Variants in LPCAT1 observed in about 807,000 individuals in gnomAD.
The protein encoded by LPCAT1 is 1-acylglycerol-3-phosphate O-acyltransferase.
Under a neutral mutation model 60.9 loss-of-function variants are expected in LPCAT1, and 23 were observed. The ratio of observed to expected loss-of-function variants is 0.38; its 90% CI spans 0.27 to 0.53. The LOEUF (loss-of-function observed/expected upper bound fraction) is 0.53. Among genes scored for constraint, LPCAT1 ranks in the 20% least tolerant of loss-of-function variants. The pLI is 0.82. For missense variants in LPCAT1, 622 were observed against 723.6 expected, an observed-to-expected ratio of 0.86 and a Z score of 1.61; for synonymous variants, 340 against 301.1, an observed-to-expected ratio of 1.13 and a Z score of -1.34.
At chr5:1,514,074 C>T (rs1736433257) in intron 1 of LPCAT1, among the ~76,000 whole-genome samples, 1 of 152,250 alleles carries the variant, frequency 6.6e-6, no homozygotes, top group Non-Finnish European at 1.5e-5. Context: ...CGTGGAGAAG[C>T]TCCAATGAGA....
chr5:1,493,955 G>A (rs7715526), intron 3 of LPCAT1, among the ~76,000 whole-genome samples: 35,214 of 152,230 alleles, frequency 0.23, 4,357 homozygotes, highest in East Asian at 0.43. Flanking sequence ...CAGGCCAGTC[G>A]ACCACTGAGG....
chr5:1,463,609 T>C lies in LPCAT1; in HGVS notation c.*42A>G, dbSNP rs1305596778. 1.2e-6 allele frequency: 2 copies of C among 1,602,328 alleles called. No homozygotes were observed. Among genetic ancestry groups the C allele is most frequent in the South Asian group, 1.1e-5 (1 of 90,222 alleles). ...CTCGCAAAGAGGCTCATGGCGGTGATGTCCACGCGGGAGGGGCCGCGTCTC... is the reference window on the plus strand; with the variant it reads ...CTCGCAAAGAGGCTCATGGCGGTGACGTCCACGCGGGAGGGGCCGCGTCTC... On this transcript the variant is annotated 3_prime_UTR_variant, in exon 14 of 14. Transcript: ENST00000283415.
Position 1,463,399 on chromosome 5 carries a change from T to C in LPCAT1, c.*252A>G. ...GGTGCCCCCCGCCCGGCAGGGAACC[T>C]GACCCCACGGGGTCCAGGCCAGGCG... On this transcript the variant is annotated 3_prime_UTR_variant, in exon 14 of 14. Transcript: ENST00000283415. The C allele has an allele frequency of 2.0e-6, 1 of 495,922 alleles. No individual in the cohort carries two copies. Among genetic ancestry groups the C allele is most frequent in the Non-Finnish European group, 3.5e-6 (1 of 281,882 alleles). 30.7% of individuals were successfully genotyped at this position (495,922 alleles called of 1,614,324 possible). A position where few individuals can be genotyped will look rare whatever the true frequency, so the allele number is the denominator to read the frequency against.
chr5:1,502,368 CAG>C lies in LPCAT1; in HGVS notation c.136-767_136-766del, dbSNP rs962987560. 2.0e-5 allele frequency among the ~76,000 whole-genome samples: 3 copies of C among 152,306 alleles called. No individual in the cohort carries two copies. The highest frequency in any genetic ancestry group is 3.9e-4 in the East Asian group (2 of 5,184). ...ACGCCACCCTAGGCAGTGTTGGTGA[CAG>C]GGGGAGGTAGCTGGCCTGCAGTTTG... is the stretch of plus-strand genomic sequence containing the variant. On this transcript the variant is annotated intron_variant, in intron 1 of 13. Coordinates refer to ENST00000283415, the MANE Select transcript of LPCAT1 (RefSeq NM_024830.5). The surrounding 1 kb of genome is among the most constrained non-coding windows in gnomAD (Gnocchi z 5.5).
At chr5:1,479,389 A>G (rs1302173283) in intron 8 of LPCAT1, 1 of 551,820 alleles carries the variant, frequency 1.8e-6, no homozygotes, top group Non-Finnish European at 3.2e-6. Context: ...CAGAAAAACA[A>G]AAAACAAAAA....
At chr5:1,503,267 G>A (rs145348893) in intron 1 of LPCAT1, among the ~76,000 whole-genome samples, 30 of 152,296 alleles carry the variant, frequency 2.0e-4, no homozygotes, top group African/African-American at 6.3e-4. Flanking sequence ...CTGTTATCCC[G>A]CCATTGGTGA....
intron 10 of LPCAT1, 96 bp downstream of exon 10, chr5:1,474,464 C>A: frequency 7.1e-7 from 1 of 1,410,374 alleles, no homozygotes; most frequent in South Asian, 1.3e-5. Context: ...ATAATTATCT[C>A]CTCAGTTCCC....
In LPCAT1 at chr5:1,470,842, A is replaced by G; in HGVS notation, c.1262T>C (p.Ile421Thr). 1 of 1,613,710 alleles carries G rather than the reference A, an allele frequency of 6.2e-7. No homozygotes were observed. Among genetic ancestry groups the G allele is most frequent in the Non-Finnish European group, 8.5e-7 (1 of 1,179,948 alleles). ...VCRPARTLDT[I>T]QLAFKMYGAQ... ...TGCACTCACCTTGAAAGCCAGCTGGATGGTGTCCAGGGTCCGGGCCGGCCG... is the reference window on the plus strand; with the variant it reads ...TGCACTCACCTTGAAAGCCAGCTGGGTGGTGTCCAGGGTCCGGGCCGGCCG... Residue 421 changes from isoleucine (I) to threonine (T), a missense_variant, in exon 12 of 14, where the codon ATC becomes ACC. By Grantham distance (89) the Ile-to-Thr change is moderately conservative. Coordinates refer to ENST00000283415, the MANE Select transcript of LPCAT1 (RefSeq NM_024830.5).
intron 5 of LPCAT1, among the ~76,000 whole-genome samples, chr5:1,486,989 T>G (rs971562806): frequency 2.0e-5 from 3 of 152,192 alleles, no homozygotes; most frequent in Non-Finnish European, 4.4e-5. Context: ...TGATATGCGT[T>G]GAGAGGTGCT....
chr5:1,516,589 T>C (rs1736514187), intron 1 of LPCAT1, among the ~76,000 whole-genome samples: 1 of 152,124 alleles, frequency 6.6e-6, no homozygotes, highest in South Asian at 2.1e-4. Flanking sequence ...CCCAAGGGTT[T>C]TAAAACATTT....
At chr5:1,494,981 G>A (rs1411113465) in intron 2 of LPCAT1, 67 bp from the exon 3 acceptor site, 2 of 1,442,560 alleles carry the variant, frequency 1.4e-6, no homozygotes, top group Non-Finnish European at 1.9e-6. Context: ...TGAGGCACAG[G>A]GGCGGTCCCA....
At chr5:1,468,502 T>G (rs1734532242) in intron 12 of LPCAT1, among the ~76,000 whole-genome samples, 2 of 152,164 alleles carry the variant, frequency 1.3e-5, no homozygotes, top group Non-Finnish European at 2.9e-5. Context: ...CTGTGTCCAT[T>G]TGGACATGAG....
chr5:1,512,004 G>A (rs1486265688), intron 1 of LPCAT1, among the ~76,000 whole-genome samples: 1 of 152,226 alleles, frequency 6.6e-6, no homozygotes, highest in East Asian at 1.9e-4. Context: ...GGTGTCTGGA[G>A]GGTGGGCTGG....
At chr5:1,518,600 A>G (rs1736580444) in intron 1 of LPCAT1, among the ~76,000 whole-genome samples, 1 of 152,234 alleles carries the variant, frequency 6.6e-6, no homozygotes, top group African/African-American at 2.4e-5. Flanking sequence ...TCGGCCTCCC[A>G]AAGTGCTGGG....
intron 1 of LPCAT1, among the ~76,000 whole-genome samples, chr5:1,517,628 A>T (rs945786250): frequency 1.3e-5 from 2 of 152,094 alleles, no homozygotes; most frequent in Non-Finnish European, 2.9e-5. Flanking sequence ...CCACTTTTTC[A>T]GGCACAAAAT....
intron 1 of LPCAT1, among the ~76,000 whole-genome samples, chr5:1,503,681 C>T (rs151292811): frequency 3.3e-5 from 5 of 152,358 alleles, no homozygotes; most frequent in African/African-American, 1.2e-4. Flanking sequence ...CCATGCCTGC[C>T]GGCAGCTCCT....
intron 1 of LPCAT1, 83 bp from the exon 2 acceptor site, chr5:1,501,686 G>T (rs1255495524): frequency 4.3e-6 from 6 of 1,395,482 alleles, no homozygotes; most frequent in Non-Finnish European, 6.0e-6. Context: ...AGCCCAGGGG[G>T]ACAGCGCGCC....
rs763574216 is a variant in LPCAT1, at chr5:1,463,728, G to C, written c.1528C>G (p.Pro510Ala). The change falls in exon 14 of 14, where the codon CCA becomes GCA. Residue 510 changes from proline to alanine, a missense_variant. By Grantham distance (27) the Pro-to-Ala change is conservative (BLOSUM62 -1). Coordinates refer to ENST00000283415, the MANE Select transcript of LPCAT1 (RefSeq NM_024830.5). ...SCAETSPAPIPNGFCADFSPE... is the reference protein window; with the variant it reads ...SCAETSPAPIANGFCADFSPE... ...CTGAAATCGGCACAGAAGCCGTTTG[G>C]GATTGGCGCAGGTGAGGTCTCTGCA... The C allele has an allele frequency of 6.2e-7, 1 of 1,614,260 alleles. No homozygotes were observed. Among genetic ancestry groups the C allele is most frequent in the Non-Finnish European group, 8.5e-7 (1 of 1,180,052 alleles).
At chr5:1,470,741 T>C in intron 12 of LPCAT1, 85 bp downstream of exon 12, 3 of 955,762 alleles carry the variant, frequency 3.1e-6, no homozygotes, top group Middle Eastern at 4.5e-4. Context: ...ACTGATATTA[T>C]AAGGAACTAG....
Sources: gnomAD v4.1 joint callset for allele counts (sites outside exome capture counted in the v4.1 genomes callset) on GRCh38, gnomAD v4.1.1 for gene constraint, Gnocchi (gnomAD v3.1) non-coding constraint, MANE v1.5 for transcripts, NCBI Gene and HGNC (gene_info 2026-07-23, HGNC 2026-07-21) for gene names.